The following RAB28 variants were observed in gnomAD, a reference collection of about 807,000 sequenced individuals.
RAB28 encodes RAB28, member RAS oncogene family.
RAB28 carries 24 observed loss-of-function variants against 31.7 expected under a neutral mutation model. The observed-to-expected ratio is 0.76, with a 90% CI of 0.55 to 1.06. The LOEUF is 1.06. Ranked by LOEUF, RAB28 falls within the 50% of genes least tolerant of loss-of-function variation. RAB28 has a pLI of 0.00. For synonymous variants in RAB28, 100 were observed against 90.4 expected (o/e 1.11, Z -0.60); for missense variants, 254 against 258.5 (o/e 0.98, Z 0.12).
At chr4:13,473,405 C>T (rs1439405523) in intron 3 of RAB28, among the ~76,000 whole-genome samples, 1 of 151,838 alleles carries the variant, frequency 6.6e-6, no homozygotes, top group Non-Finnish European at 1.5e-5. Context: ...AGAAATAGCA[C>T]ATCAAGTATT....
chr4:13,433,126 A>G (rs978431670), intron 4 of RAB28, among the ~76,000 whole-genome samples: 8 of 151,424 alleles, frequency 5.3e-5, no homozygotes, highest in Non-Finnish European at 1.0e-4. Context: ...AAGATCTATC[A>G]TGCAAATGAA....
At chr4:13,392,758 C>CA (rs1471870212) in intron 4 of RAB28, among the ~76,000 whole-genome samples, 10 of 152,030 alleles carry the variant, frequency 6.6e-5, no homozygotes, top group Admixed American at 4.6e-4. Context: ...GTTTTCACCA[C>CA]AAAAAAATGA....
At chr4:13,421,582 C>A (rs1314878587) in intron 4 of RAB28, among the ~76,000 whole-genome samples, 1 of 152,104 alleles carries the variant, frequency 6.6e-6, no homozygotes, top group African/African-American at 2.4e-5. Context: ...AGAACAGAGG[C>A]CTCAGAAACA....
chr4:13,457,689 A>G (rs187093186), intron 4 of RAB28, among the ~76,000 whole-genome samples: 10 of 152,278 alleles, frequency 6.6e-5, no homozygotes, highest in Admixed American at 6.5e-4. Context: ...CATAAATTCA[A>G]ATAACTTGTA....
chr4:13,459,822 A>G (rs933447355), intron 4 of RAB28: 45 of 1,257,222 alleles, frequency 3.6e-5, no homozygotes, highest in Non-Finnish European at 4.3e-5. Flanking sequence ...CATTCAATGA[A>G]ATGCATCGCT....
chr4:13,462,404 T>C (rs1020598965), intron 3 of RAB28, among the ~76,000 whole-genome samples: 6 of 152,042 alleles, frequency 3.9e-5, no homozygotes, highest in Non-Finnish European at 8.8e-5. Flanking sequence ...GTAAAATAAT[T>C]AGTGATAGAG....
intron 3 of RAB28, among the ~76,000 whole-genome samples, chr4:13,465,754 A>AACACACACACACACACAC (rs33979911): frequency 1.2e-3 from 164 of 142,196 alleles, no homozygotes; most frequent in African/African-American, 4.0e-3. Flanking sequence ...GGCAATCATG[A>AACACACACACACACACAC]ACACACACAC....
Position 13,459,929 on chromosome 4 carries a change from C to T in RAB28, c.391+770G>A, listed in dbSNP as rs559556195. 1.2e-4 allele frequency: 153 copies of T among 1,287,814 alleles called. 1 individual carries two copies. In the South Asian group the frequency reaches 1.7e-3, roughly 14 times the overall value. 79.8% of individuals were successfully genotyped at this position (1,287,814 alleles called of 1,614,324 possible). A position where few individuals can be genotyped will look rare whatever the true frequency, so the allele number is the denominator to read the frequency against. On this transcript the variant is annotated intron_variant, in intron 4 of 6. Coordinates refer to ENST00000330852, the MANE Select transcript of RAB28 (RefSeq NM_001017979.3). ...TAATCCATGCTGCTTTCCTAGACCA[C>T]AGGAAGCCAAAACACACACTGTCAG...
intron 4 of RAB28, among the ~76,000 whole-genome samples, chr4:13,395,758 A>C (rs115901961): frequency 1.7e-3 from 261 of 152,170 alleles, no homozygotes; most frequent in African/African-American, 5.9e-3. Flanking sequence ...GATCAGAGCT[A>C]CTGATCAGAC....
chr4:13,465,754 A>AACACACACACACACACACACAC (rs33979911), intron 3 of RAB28, among the ~76,000 whole-genome samples: 3 of 142,118 alleles, frequency 2.1e-5, no homozygotes, highest in African/African-American at 7.8e-5. Flanking sequence ...GGCAATCATG[A>AACACACACACACACACACACAC]ACACACACAC....
At position 13,450,913 on chromosome 4, in the gene RAB28, A is replaced by C. The variant is rs181113834; in HGVS notation, c.391+9786T>G. ...TGCCTTGCACTTATAATGGGCGAAG[A>C]AGCATGTGGAAGATGAAGTCTGAGT... On this transcript the variant is annotated intron_variant, in intron 4 of 6. Coordinates refer to ENST00000330852, the MANE Select transcript of RAB28 (RefSeq NM_001017979.3). Among the ~76,000 whole-genome samples the C allele has an allele frequency of 1.3e-3, 204 of 152,052 alleles. 2 individuals carry two copies. The highest frequency in any genetic ancestry group is 4.7e-3 in the African/African-American group (194 of 41,566).
intron 4 of RAB28, among the ~76,000 whole-genome samples, chr4:13,458,719 T>C: frequency 6.6e-6 from 1 of 152,226 alleles, no homozygotes. Flanking sequence ...CTGTACCTTT[T>C]CTATGCTTAG....
chr4:13,437,689 C>A (rs201225547), intron 4 of RAB28, among the ~76,000 whole-genome samples: 4 of 151,742 alleles, frequency 2.6e-5, no homozygotes, highest in South Asian at 2.1e-4. Context: ...ATTTTAAAAT[C>A]AAAAAATAAC....
chr4:13,422,985 A>G (rs2108923211), intron 4 of RAB28, among the ~76,000 whole-genome samples: 2 of 152,318 alleles, frequency 1.3e-5, no homozygotes, highest in South Asian at 4.1e-4. Flanking sequence ...ACCTCAAAAA[A>G]AAAATTAAAC....
intron 4 of RAB28, among the ~76,000 whole-genome samples, chr4:13,414,973 T>C (rs1361550776): frequency 2.0e-5 from 3 of 152,186 alleles, no homozygotes; most frequent in African/African-American, 7.2e-5. Context: ...GATAAAATAC[T>C]AAATAAGGCA....
At chr4:13,448,219 T>C (rs1184519227) in intron 4 of RAB28, among the ~76,000 whole-genome samples, 1 of 152,132 alleles carries the variant, frequency 6.6e-6, no homozygotes, top group Non-Finnish European at 1.5e-5. Context: ...ATTTTCCAAA[T>C]TCCTTTTTCA....
chr4:13,415,699 C>A (rs1479351563), intron 4 of RAB28, among the ~76,000 whole-genome samples: 1 of 152,132 alleles, frequency 6.6e-6, no homozygotes, highest in Non-Finnish European at 1.5e-5. Context: ...GCCCAAGCCT[C>A]CCCAACGAGC....
At chr4:13,410,027 T>C (rs1331172465) in intron 4 of RAB28, among the ~76,000 whole-genome samples, 2 of 151,980 alleles carry the variant, frequency 1.3e-5, no homozygotes, top group Admixed American at 1.3e-4. Context: ...GATCTGCTTG[T>C]TTTTAAAAGT....
chr4:13,432,482 T>C (rs1214143904), intron 4 of RAB28, among the ~76,000 whole-genome samples: 2 of 152,024 alleles, frequency 1.3e-5, no homozygotes, highest in African/African-American at 2.4e-5. Flanking sequence ...CCAAGGCATA[T>C]AGTTATCAGA....
Sources: allele counts gnomAD v4.1 joint callset (sites outside exome capture counted in the v4.1 genomes callset), GRCh38; gene constraint gnomAD v4.1.1; transcripts MANE v1.5; gene names NCBI Gene and HGNC (gene_info 2026-07-23, HGNC 2026-07-21).